Variants in DPP10 observed in about 807,000 individuals in gnomAD.
DPP10 encodes inactive dipeptidyl peptidase 10.
DPP10 carries 33 observed loss-of-function variants against 120.9 expected under a neutral mutation model. That is an observed-to-expected ratio of 0.27 (90% confidence interval 0.21 to 0.37). DPP10 has a LOEUF of 0.37. Ranked by LOEUF, DPP10 falls within the 10% of genes least tolerant of loss-of-function variation. The pLI, the probability that DPP10 is intolerant of heterozygous loss-of-function variation, is 1.00. For synonymous variants in DPP10, 337 were observed against 326.1 expected (o/e 1.03, Z -0.36); for missense variants, 816 against 942.8 (o/e 0.87, Z 1.76).
intron 1 of DPP10, among the ~76,000 whole-genome samples, chr2:114,984,698 C>G (rs1700292239): frequency 6.6e-6 from 1 of 152,186 alleles, no homozygotes; most frequent in Non-Finnish European, 1.5e-5. Context: ...CACCATTGTT[C>G]TAGTCAAAAC....
At chr2:115,487,151 C>A in intron 3 of DPP10, among the ~76,000 whole-genome samples, 1 of 150,194 alleles carries the variant, frequency 6.7e-6, no homozygotes, top group Non-Finnish European at 1.5e-5. Context: ...GAATAAAATA[C>A]CTAGGAATCC....
chr2:115,238,305 A>T lies in DPP10; in HGVS notation c.61-70934A>T, dbSNP rs76561000. ...CAGCACAGTTTACTCAATATTTTTA[A>T]GCCCACGATTGAAACCTACTGCTTA... On this transcript the variant is annotated intron_variant, in intron 1 of 25. Coordinates refer to ENST00000410059, the MANE Select transcript of DPP10 (RefSeq NM_020868.6). Among the ~76,000 whole-genome samples the T allele has an allele frequency of 2.9e-3, 442 of 152,308 alleles. 18 individuals are homozygous for T. In the East Asian group the frequency reaches 0.074, roughly 26 times the overall value.
At chr2:115,215,667 G>A (rs1051645927) in intron 1 of DPP10, among the ~76,000 whole-genome samples, 1 of 152,138 alleles carries the variant, frequency 6.6e-6, no homozygotes, top group African/African-American at 2.4e-5. Flanking sequence ...GTGGGAATAT[G>A]TATTAATACA....
At chr2:115,086,751 A>G (rs6757573) in intron 1 of DPP10, among the ~76,000 whole-genome samples, 120,187 of 152,074 alleles carry the variant, frequency 0.79, 48,229 homozygotes, top group Non-Finnish European at 0.87. Context: ...CACCGTGCCC[A>G]GCCAAATCAA....
intron 5 of DPP10, among the ~76,000 whole-genome samples, chr2:115,596,691 G>A (rs2083009576): frequency 1.3e-5 from 2 of 152,048 alleles, no homozygotes; most frequent in Admixed American, 6.6e-5. Context: ...AAAACATTTG[G>A]CCTAAATATT....
intron 1 of DPP10, among the ~76,000 whole-genome samples, chr2:114,745,173 G>GCCT (rs1444496061): frequency 2.0e-5 from 3 of 152,140 alleles, no homozygotes; most frequent in African/African-American, 7.2e-5. Context: ...TAATATAACT[G>GCCT]CCTTGTTATT....
rs564899255 is a variant in DPP10 at position 114,822,406 on chromosome 2, A to G, written c.60+379568A>G. Among the ~76,000 whole-genome samples, 30 of 151,918 alleles carry G rather than the reference A, an allele frequency of 2.0e-4. 1 individual carries two copies. In the South Asian group the frequency reaches 5.8e-3, roughly 30 times the overall value. On this transcript the variant is annotated intron_variant, in intron 1 of 25. Coordinates refer to ENST00000410059, the MANE Select transcript of DPP10 (RefSeq NM_020868.6). ...GGCCCAGGGCCTGGCCCATGAGACC[A>G]TTTTTTCCTCTTAGCCTCTCAGCCT... is the stretch of plus-strand genomic sequence containing the variant.
At chr2:115,615,135 G>C (rs894498709) in intron 5 of DPP10, among the ~76,000 whole-genome samples, 1 of 151,774 alleles carries the variant, frequency 6.6e-6, no homozygotes, top group Non-Finnish European at 1.5e-5. Context: ...TTTAATTCCA[G>C]AATGTCATTA....
intron 5 of DPP10, among the ~76,000 whole-genome samples, chr2:115,630,797 C>A (rs1168588071): frequency 6.6e-6 from 1 of 152,028 alleles, no homozygotes; most frequent in African/African-American, 2.4e-5. Flanking sequence ...TTGCTGGATC[C>A]AGTTTGCCAG....
rs1559147023 is a variant in DPP10, at chr2:115,782,270, G to A, written c.1484-82G>A. On this transcript the variant is annotated intron_variant, in intron 16 of 25. Coordinates refer to ENST00000410059, the MANE Select transcript of DPP10 (RefSeq NM_020868.6). ...ACCACGAAGTGCTTCCATTTGGGGG[G>A]AAAAAACTATTATGTAAACTTTCTA... 3 of 1,274,876 alleles carry A rather than the reference G, an allele frequency of 2.4e-6. No individual in the cohort carries two copies. The African/African-American group carries it at 4.5e-5, about 19-fold the overall frequency. The allele number at this position is 1,274,876 out of a possible 1,614,324, so 79.0% of individuals were successfully genotyped here. A position where few individuals can be genotyped will look rare whatever the true frequency, so the allele number is the denominator to read the frequency against.
At chr2:115,664,410 C>T (rs1476966492) in intron 5 of DPP10, among the ~76,000 whole-genome samples, 1 of 151,746 alleles carries the variant, frequency 6.6e-6, no homozygotes, top group African/African-American at 2.4e-5. Flanking sequence ...GGTTAAGGTC[C>T]TGAATTTTAT....
chr2:115,358,696 A>G (rs762240426), intron 3 of DPP10, among the ~76,000 whole-genome samples: 5 of 152,184 alleles, frequency 3.3e-5, no homozygotes, highest in African/African-American at 4.8e-5. Context: ...GCTGCTATGA[A>G]GAGATACCTG....
intron 5 of DPP10, among the ~76,000 whole-genome samples, chr2:115,568,975 T>G (rs2081184822): frequency 1.3e-5 from 2 of 152,214 alleles, no homozygotes; most frequent in Non-Finnish European, 2.9e-5. Context: ...TATGGATATG[T>G]GATAGTCTTC....
chr2:115,615,485 C>T (rs552333715), intron 5 of DPP10, among the ~76,000 whole-genome samples: 3 of 152,048 alleles, frequency 2.0e-5, no homozygotes, highest in East Asian at 1.9e-4. Context: ...TCTGCTCTTA[C>T]GATTACACCA....
At chr2:114,493,552 A>T (rs1368893670) in intron 1 of DPP10, among the ~76,000 whole-genome samples, 1 of 151,892 alleles carries the variant, frequency 6.6e-6, no homozygotes, top group African/African-American at 2.4e-5. Flanking sequence ...CAGAAATCTC[A>T]TGTAGGACGT....
chr2:115,514,338 A>AT (rs201724843), intron 4 of DPP10, among the ~76,000 whole-genome samples: 2,669 of 151,734 alleles, frequency 0.018, 50 homozygotes, highest in Non-Finnish European at 0.026. Flanking sequence ...TGGAGTCATT[A>AT]TTTTTTAAAA....
At chr2:115,754,773 G>A (rs1328825238) in intron 11 of DPP10, among the ~76,000 whole-genome samples, 3 of 152,054 alleles carry the variant, frequency 2.0e-5, no homozygotes, top group Non-Finnish European at 4.4e-5. Context: ...ACCTACAAAG[G>A]ATAGTAATAT....
chr2:115,053,446 G>A (rs990440512), intron 1 of DPP10, among the ~76,000 whole-genome samples: 1 of 152,216 alleles, frequency 6.6e-6, no homozygotes, highest in Non-Finnish European at 1.5e-5. Context: ...AAGCAGATTA[G>A]TGGTTGCAAG....
At chr2:114,452,102 T>G (rs1678313545) in intron 1 of DPP10, among the ~76,000 whole-genome samples, 2 of 152,172 alleles carry the variant, frequency 1.3e-5, no homozygotes, top group South Asian at 2.1e-4. Context: ...TGTACCAAAA[T>G]TTTCCTCTTT....
Sources: allele counts gnomAD v4.1 joint callset (sites outside exome capture counted in the v4.1 genomes callset), GRCh38; gene constraint gnomAD v4.1.1; transcripts MANE v1.5; gene names NCBI Gene and HGNC (gene_info 2026-07-23, HGNC 2026-07-21).